The following TUBG1 variants were observed in gnomAD, a reference collection of about 807,000 sequenced individuals.
The protein encoded by TUBG1 is tubulin gamma-1 chain.
Under a neutral mutation model 53.3 loss-of-function variants are expected in TUBG1, and 22 were observed. The observed-to-expected ratio is 0.41, with a 90% confidence interval of 0.29 to 0.59. The LOEUF (loss-of-function observed/expected upper bound fraction) is 0.59. TUBG1 is among the 20% of genes least tolerant of loss of function. The pLI is 0.26. For synonymous variants in TUBG1, 198 were observed against 236.7 expected, an observed-to-expected ratio of 0.84 and a Z score of 1.50; for missense variants, 217 against 598.9, an observed-to-expected ratio of 0.36 and a Z score of 6.66.
chr17:42,614,670 G>C lies in TUBG1; in HGVS notation c.1158+13G>C. ...CAGCATCTCCTCGGTGAGTCTCAAA[G>C]TTTGCACCTTTTTTCCCTGAATCAG... On this transcript the variant is annotated intron_variant, in intron 10 of 10. Coordinates refer to ENST00000251413, the MANE Select transcript of TUBG1 (RefSeq NM_001070.5). The surrounding 1 kb of genome is among the most constrained non-coding windows in gnomAD (Gnocchi z 5.1). 6.2e-7 allele frequency: 1 copy of C among 1,613,582 alleles called. No individual in the cohort carries two copies. Among genetic ancestry groups the C allele is most frequent in the Non-Finnish European group, 8.5e-7 (1 of 1,179,578 alleles).
chr17:42,609,701 G>A lies in TUBG1; in HGVS notation c.-37G>A, dbSNP rs1448365280. 4 of 1,539,052 alleles carry A rather than the reference G, an allele frequency of 2.6e-6. No homozygotes were observed. The highest frequency in any genetic ancestry group is 2.4e-5 in the South Asian group (2 of 82,722). ...GCGGGCTGGCGTGCGGCGCCGTTGC[G>A]GGCGGGAGCGGCTGCAACGCCGGTG... On this transcript the variant is annotated 5_prime_UTR_variant, in exon 1 of 11. Transcript: ENST00000251413.
At chr17:42,611,513 G>A (rs78459101) in intron 3 of TUBG1, among the ~76,000 whole-genome samples, 3,038 of 152,236 alleles carry the variant, frequency 0.02, 107 homozygotes, top group African/African-American at 0.07. Flanking sequence ...TACAGATGAG[G>A]AAACTGAGGC....
At position 42,614,813 on chromosome 17, in the gene TUBG1, T is replaced by G. The variant is rs763150489; in HGVS notation, c.1159-31T>G. 1 of 1,613,774 alleles carries G rather than the reference T, an allele frequency of 6.2e-7. No homozygotes were observed. The highest frequency in any genetic ancestry group is 2.2e-5 in the East Asian group (1 of 44,896). ...TGGGCCACGTTATTCTTTGAAGTTC[T>G]TTGTAACCCCTGTTTTCTGCACACC... On this transcript the variant is annotated intron_variant, in intron 10 of 10. Coordinates refer to ENST00000251413, the MANE Select transcript of TUBG1 (RefSeq NM_001070.5). This position sits in a 1 kb window ranked among gnomAD's most constrained non-coding sequence, Gnocchi z 5.1.
intron 3 of TUBG1, 180 bp downstream of exon 3, chr17:42,610,770 G>C: frequency 1.2e-6 from 1 of 815,416 alleles, no homozygotes. Context: ...AGTGTGCCAG[G>C]TCATTCTAAG....
chr17:42,612,905 C>A (rs1346425567), intron 5 of TUBG1, 42 bp from the exon 6 acceptor site: 4 of 1,610,546 alleles, frequency 2.5e-6, no homozygotes, highest in African/African-American at 2.7e-5. Flanking sequence ...GTTCACCAGG[C>A]CTTCGGTCTG....
At chr17:42,613,511 G>C (rs1567931421) in intron 6 of TUBG1, 136 bp from the exon 7 acceptor site, 1 of 1,308,160 alleles carries the variant, frequency 7.6e-7, no homozygotes, top group Non-Finnish European at 1.1e-6. Context: ...CTTTGCCCTA[G>C]GTCAGTGCAA....
Position 42,615,153 on chromosome 17 carries a change from C to A in TUBG1, c.*112C>A. 1.0e-6 allele frequency: 1 copy of A among 980,446 alleles called. No homozygotes were observed. The highest frequency in any genetic ancestry group is 1.5e-6 in the Non-Finnish European group (1 of 651,828). 60.7% of individuals were successfully genotyped at this position (980,446 alleles called of 1,614,324 possible). A position where few individuals can be genotyped will look rare whatever the true frequency, so the allele number is the denominator to read the frequency against. On this transcript the variant is annotated 3_prime_UTR_variant, in exon 11 of 11. Coordinates refer to ENST00000251413, the MANE Select transcript of TUBG1 (RefSeq NM_001070.5). Reference sequence around the variant, plus strand: ...ACCTCACGCATCTCTTTCTCATATACATGGACTCTCTGTTGGCCTGCAAAC... The same window carrying A: ...ACCTCACGCATCTCTTTCTCATATAAATGGACTCTCTGTTGGCCTGCAAAC...
rs374019070 is a variant in TUBG1 at position 42,614,862 on chromosome 17, C to T, written c.1177C>T (p.Arg393Cys). 5 of 1,614,068 alleles carry T rather than the reference C, an allele frequency of 3.1e-6. No homozygotes were observed. The highest frequency in any genetic ancestry group is 4.2e-6 in the Non-Finnish European group (5 of 1,180,040). Reference sequence around the variant, plus strand: ...CCCCAAGCTCTTCGAGAGAACCTGTCGCCAGTATGACAAGCTGCGTAAGCG... The same window carrying T: ...CCCCAAGCTCTTCGAGAGAACCTGTTGCCAGTATGACAAGCTGCGTAAGCG... Reference protein sequence around the residue: ...SISSLFERTCRQYDKLRKREA... With the variant: ...SISSLFERTCCQYDKLRKREA... The change falls in exon 11 of 11, where the codon CGC becomes TGC. Residue 393 changes from arginine to cysteine, a missense_variant. Physicochemically the swap from Arg to Cys is radical, Grantham distance 180 (BLOSUM62 -3). Coordinates refer to ENST00000251413, the MANE Select transcript of TUBG1 (RefSeq NM_001070.5). This position sits in a 1 kb window ranked among gnomAD's most constrained non-coding sequence, Gnocchi z 5.1.
At position 42,614,068 on chromosome 17, in the gene TUBG1, C is replaced by G; in HGVS notation, c.843+70C>G. 1 of 1,606,790 alleles carries G rather than the reference C, an allele frequency of 6.2e-7. No individual in the cohort carries two copies. The highest frequency in any genetic ancestry group is 8.5e-7 in the Non-Finnish European group (1 of 1,175,898). ...CAACAGGCCCTGTCCTAGCCTTTCT[C>G]TCTTCCCCACTGCCCCAGGAGCTAC... On this transcript the variant is annotated intron_variant, in intron 8 of 10. Transcript: ENST00000251413. The surrounding 1 kb of genome is among the most constrained non-coding windows in gnomAD (Gnocchi z 5.1).
Position 42,614,458 on chromosome 17 carries a change from A to C in TUBG1, c.997-38A>C. ...CCACACCCTGGACCTGCAGGGGTAGAGGAGAGGCCACCTCCACTGCTCCTA... is the reference window on the plus strand; with the variant it reads ...CCACACCCTGGACCTGCAGGGGTAGCGGAGAGGCCACCTCCACTGCTCCTA... On this transcript the variant is annotated intron_variant, in intron 9 of 10. Coordinates refer to ENST00000251413, the MANE Select transcript of TUBG1 (RefSeq NM_001070.5). This position sits in a 1 kb window ranked among gnomAD's most constrained non-coding sequence, Gnocchi z 5.1. 6.2e-7 allele frequency: 1 copy of C among 1,614,120 alleles called. No homozygotes were observed.
At chr17:42,613,389 C>G (rs1455436995) in intron 6 of TUBG1, among the ~76,000 whole-genome samples, 1 of 151,796 alleles carries the variant, frequency 6.6e-6, no homozygotes, top group Non-Finnish European at 1.5e-5. Context: ...ACTGACTGCA[C>G]TCCAGCCGGG....
Position 42,610,573 on chromosome 17 carries a change from G to A in TUBG1, c.313G>A (p.Ala105Thr). Reference sequence around the variant, plus strand: ...TGGAGGAGGAGCTGGCAACAACTGGGCCAGCGGATTCTCCCAGGTCGTTTC... The same window carrying A: ...TGGAGGAGGAGCTGGCAACAACTGGACCAGCGGATTCTCCCAGGTCGTTTC... ...EHGGGAGNNW[A>T]SGFSQGEKIH... is the part of the protein sequence containing the mutation. The change falls in exon 3 of 11, where the codon GCC becomes ACC. Residue 105 changes from alanine (A) to threonine (T), a missense_variant. Coordinates refer to ENST00000251413, the MANE Select transcript of TUBG1 (RefSeq NM_001070.5). 1 of 1,614,186 alleles carries A rather than the reference G, an allele frequency of 6.2e-7. No individual in the cohort carries two copies. The highest frequency in any genetic ancestry group is 8.5e-7 in the Non-Finnish European group (1 of 1,180,022).
At position 42,614,419 on chromosome 17, in the gene TUBG1, G is replaced by A. The variant is rs780645438; in HGVS notation, c.996+7G>A. 8 of 1,614,058 alleles carry A rather than the reference G, an allele frequency of 5.0e-6. No individual in the cohort carries two copies. The highest frequency in any genetic ancestry group is 2.2e-5 in the East Asian group (1 of 44,882). ...AGAGGTGGACCCCACCCAGGTAGGG[G>A]AGGCCCCTTCATCCCACACCCTGGA... On this transcript the variant is annotated splice_region_variant and intron_variant, in intron 9 of 10. Transcript: ENST00000251413. The surrounding 1 kb of genome is among the most constrained non-coding windows in gnomAD (Gnocchi z 5.1).
Position 42,615,191 on chromosome 17 carries a change from C to T in TUBG1, c.*150C>T, listed in dbSNP as rs1567932340. ...TTGGCCTGCAAACACATTTACTTCT[C>T]CTCTTATGAGACTATTTATCTTTAA... is the stretch of plus-strand genomic sequence containing the variant. On this transcript the variant is annotated 3_prime_UTR_variant, in exon 11 of 11. Coordinates refer to ENST00000251413, the MANE Select transcript of TUBG1 (RefSeq NM_001070.5). 1 of 678,232 alleles carries T rather than the reference C, an allele frequency of 1.5e-6. No homozygotes were observed. Among genetic ancestry groups the T allele is most frequent in the Non-Finnish European group, 2.5e-6 (1 of 401,636 alleles). The allele number at this position is 678,232 out of a possible 1,614,324, so 42.0% of individuals were successfully genotyped here.
intron 7 of TUBG1, 31 bp from the exon 8 acceptor site, chr17:42,613,818 G>A (rs1214528220): frequency 6.2e-7 from 1 of 1,614,050 alleles, no homozygotes; most frequent in African/African-American, 1.3e-5. Context: ...CACCCAGGCT[G>A]AGGCCCATAA....
intron 1 of TUBG1, 116 bp from the exon 2 acceptor site, chr17:42,609,992 A>G: frequency 2.2e-6 from 3 of 1,365,332 alleles, no homozygotes; most frequent in Non-Finnish European, 3.0e-6. Context: ...GACACGGGAG[A>G]GTCCTGCGGC....
Position 42,609,743 on chromosome 17 carries a change from G to A in TUBG1, c.6G>A (p.Pro2=), listed in dbSNP as rs1467595361. 6 of 1,550,902 alleles carry A rather than the reference G, an allele frequency of 3.9e-6. No homozygotes were observed. The highest frequency in any genetic ancestry group is 2.0e-5 in the Admixed American group (1 of 50,718). Residue 2 remains proline (P), a synonymous_variant, in exon 1 of 11, where the codon CCG becomes CCA. Transcript: ENST00000251413. Reference sequence around the variant, plus strand: ...ACGCCGGTGCCTGAGGAGCGATGCCGAGGGAAATCATCACCCTACAGTTGG... The same window carrying A: ...ACGCCGGTGCCTGAGGAGCGATGCCAAGGGAAATCATCACCCTACAGTTGG... M[P]REIITLQLGQ...
intron 1 of TUBG1, 52 bp from the exon 2 acceptor site, chr17:42,610,056 C>A (rs1448172101): frequency 1.2e-6 from 2 of 1,604,456 alleles, no homozygotes; most frequent in Non-Finnish European, 1.7e-6. Context: ...CTGATTGGAA[C>A]CTGCCCGGAC....
rs1206656738 is a variant in TUBG1 at position 42,610,543 on chromosome 17, G to A, written c.283G>A (p.Glu95Lys). Residue 95 changes from glutamate (E) to lysine (K), a missense_variant, in exon 3 of 11, where the codon GAA becomes AAA. Physicochemically the swap from Glu to Lys is moderately conservative, Grantham distance 56. Transcript: ENST00000251413. ...LYNPENIYLS[E>K]HGGGAGNNWA... ...CAACCCAGAGAACATCTACCTGTCG[G>A]AACATGGAGGAGGAGCTGGCAACAA... 1.9e-6 allele frequency: 3 copies of A among 1,614,120 alleles called. No individual in the cohort carries two copies. The highest frequency in any genetic ancestry group is 2.5e-6 in the Non-Finnish European group (3 of 1,179,990).
Sources: gnomAD v4.1 joint callset for allele counts (sites outside exome capture counted in the v4.1 genomes callset) on GRCh38, gnomAD v4.1.1 for gene constraint, Gnocchi (gnomAD v3.1) non-coding constraint, MANE v1.5 for transcripts, NCBI Gene and HGNC (gene_info 2026-07-23, HGNC 2026-07-21) for gene names.